The following NLRC5 variants were observed in gnomAD, a reference collection of about 807,000 sequenced individuals.
NLRC5 encodes NLR family CARD domain containing 5, also known as protein NLRC5.
In NLRC5, 114 loss-of-function variants were observed where a neutral mutation model predicts 206.9. The observed-to-expected ratio is 0.55, with a 90% confidence interval of 0.47 to 0.64. The LOEUF (loss-of-function observed/expected upper bound fraction) is 0.64. Ranked by LOEUF, NLRC5 falls within the 30% of genes least tolerant of loss-of-function variation. The probability of loss-of-function intolerance (pLI) is 0.00; values close to 1 mark genes in which losing one functional copy is unlikely to be tolerated. For missense variants in NLRC5, 2,008 were observed against 2,305.5 expected (o/e 0.87, Z 2.64); for synonymous variants, 952 against 962.8 (o/e 0.99, Z 0.21).
At chr16:57,014,000 AC>A in intron 1 of NLRC5, 1 of 373,404 alleles carries the variant, frequency 2.7e-6, no homozygotes, top group Non-Finnish European at 5.1e-6. Flanking sequence ...ATAACACTGT[AC>A]CAGTTTCTTG....
chr16:57,008,023 T>C (rs1231821012), intron 1 of NLRC5, among the ~76,000 whole-genome samples: 1 of 152,172 alleles, frequency 6.6e-6, no homozygotes, highest in Non-Finnish European at 1.5e-5. Flanking sequence ...TGTTTTTTTC[T>C]TTTTTCATGA....
At chr16:56,991,596 G>A (rs1306823377) in intron 1 of NLRC5, among the ~76,000 whole-genome samples, 3 of 151,166 alleles carry the variant, frequency 2.0e-5, no homozygotes, top group South Asian at 4.2e-4. Context: ...TCGCCAGGCT[G>A]GTGTCAAACT....
intron 1 of NLRC5, among the ~76,000 whole-genome samples, chr16:57,003,270 A>C (rs2058511102): frequency 6.6e-6 from 1 of 151,256 alleles, no homozygotes; most frequent in African/African-American, 2.4e-5. Context: ...GGCTGCTCTC[A>C]AACTCCGGAC....
chr16:57,013,718 G>A, intron 1 of NLRC5: 2 of 747,440 alleles, frequency 2.7e-6, no homozygotes, highest in South Asian at 3.0e-5. Context: ...TGGTGGTTGT[G>A]CCTGATAAAA....
chr16:57,026,306 T>C lies in NLRC5; in HGVS notation c.1363T>C (p.Ser455Pro). Residue 455 changes from serine (S) to proline (P), a missense_variant, in exon 6 of 49, where the codon TCG (serine) becomes CCG (proline). Physicochemically the swap from Ser to Pro is moderately conservative, Grantham distance 74. Coordinates refer to ENST00000688547, the MANE Select transcript of NLRC5 (RefSeq NM_001384950.1). ...ALSPPGHLPT[S>P]SLLDLGEVAL... Reference sequence around the variant, plus strand: ...CAGCCCCCCTGGGCACTTGCCCACCTCGTCCCTACTGGACCTGGGGGAGGT... The same window carrying C: ...CAGCCCCCCTGGGCACTTGCCCACCCCGTCCCTACTGGACCTGGGGGAGGT... 6.2e-7 allele frequency: 1 copy of C among 1,614,030 alleles called. No individual in the cohort carries two copies.
chr16:57,058,132 A>G lies in NLRC5; in HGVS notation c.3814A>G (p.Ile1272Val), dbSNP rs559260069. 1 of 1,609,226 alleles carries G rather than the reference A, an allele frequency of 6.2e-7. No individual in the cohort carries two copies. The highest frequency in any genetic ancestry group is 1.7e-5 in the Admixed American group (1 of 59,638). The change falls in exon 28 of 49, where the codon ATC becomes GTC. Residue 1272 changes from isoleucine to valine, a missense_variant. By Grantham distance (29) the Ile-to-Val change is conservative. Transcript: ENST00000688547. ...TCTGGAATGTCTGCCGCAGGTGCCC[A>G]TCTCCGGTTTGCTTGAGTAAGTGGA... is the stretch of plus-strand genomic sequence containing the variant. ...CLLECLPQVP[I>V]SGLLDLSHNS...
intron 1 of NLRC5, among the ~76,000 whole-genome samples, chr16:56,994,145 A>G (rs2057307242): frequency 7.3e-6 from 1 of 136,526 alleles, no homozygotes; most frequent in African/African-American, 2.7e-5. Context: ...AGTGCTTTGC[A>G]TGGTGTATGT....
chr16:57,029,953 G>A (rs766733019), intron 9 of NLRC5, 42 bp from the exon 10 acceptor site: 4 of 1,609,090 alleles, frequency 2.5e-6, no homozygotes, highest in Admixed American at 3.3e-5. Flanking sequence ...GGCCCCTGGG[G>A]TAGGGGATTC....
At chr16:57,043,464 A>T in intron 19 of NLRC5, 51 bp from the exon 20 acceptor site, 2 of 1,260,222 alleles carry the variant, frequency 1.6e-6, no homozygotes, top group African/African-American at 1.5e-5. Flanking sequence ...CACAAAGAGG[A>T]TGTGTTTGGG....
At position 57,082,695 on chromosome 16, in the gene NLRC5, T is replaced by A. The variant is rs556083174; in HGVS notation, c.*167T>A. ...CTGCTGCAGTCCTCAGGGAGAACTT[T>A]TTTGGGAACCAGGAGCTGGGTCTGG... On this transcript the variant is annotated 3_prime_UTR_variant, in exon 49 of 49. Coordinates refer to ENST00000688547, the MANE Select transcript of NLRC5 (RefSeq NM_001384950.1). 8.9e-4 allele frequency: 508 copies of A among 571,904 alleles called. 3 individuals carry two copies. In the African/African-American group the frequency reaches 8.9e-3, roughly 10 times the overall value. 35.4% of individuals were successfully genotyped at this position (571,904 alleles called of 1,614,324 possible). A position where few individuals can be genotyped will look rare whatever the true frequency, so the allele number is the denominator to read the frequency against.
At position 57,074,785 on chromosome 16, in the gene NLRC5, C is replaced by T. The variant is rs375812036; in HGVS notation, c.4751+102C>T. 31 of 1,106,508 alleles carry T rather than the reference C, an allele frequency of 2.8e-5. No individual in the cohort carries two copies. In the African/African-American group the frequency reaches 4.4e-4, roughly 16 times the overall value. 68.5% of individuals were successfully genotyped at this position (1,106,508 alleles called of 1,614,324 possible). ...CACTGAGGCCACCTCCCAGGGGATC[C>T]TTTGCGGATCCCTCCCAGGCCCATC... On this transcript the variant is annotated intron_variant, in intron 39 of 48. Transcript: ENST00000688547.
intron 2 of NLRC5, among the ~76,000 whole-genome samples, chr16:57,017,822 C>T (rs1322358776): frequency 6.6e-6 from 1 of 152,168 alleles, no homozygotes; most frequent in Non-Finnish European, 1.5e-5. Flanking sequence ...CACCAAAGGC[C>T]TAGAAAGAGG....
chr16:57,037,312 C>CA, intron 15 of NLRC5, 28 bp downstream of exon 15: 1 of 1,576,280 alleles, frequency 6.3e-7, no homozygotes, highest in Non-Finnish European at 8.6e-7. Flanking sequence ...CCACGGTACC[C>CA]ATCCCCCCCC....
chr16:57,056,937 C>A (rs1368696793), intron 27 of NLRC5, among the ~76,000 whole-genome samples: 1 of 151,826 alleles, frequency 6.6e-6, no homozygotes, highest in Admixed American at 6.6e-5. Context: ...GGGATTACAG[C>A]CTTGAGCCAC....
intron 11 of NLRC5, 45 bp downstream of exon 11, chr16:57,031,508 A>C: frequency 1.2e-6 from 2 of 1,602,144 alleles, no homozygotes; most frequent in Non-Finnish European, 8.5e-7. Context: ...CCTTAGAAGC[A>C]ACTTGGGCTC....
At chr16:57,045,789 G>A (rs980518620) in intron 21 of NLRC5, among the ~76,000 whole-genome samples, 4 of 152,240 alleles carry the variant, frequency 2.6e-5, no homozygotes, top group Non-Finnish European at 2.9e-5. Context: ...TGTGTGGGAG[G>A]AGACAGGAGA....
chr16:57,058,469 C>T, intron 28 of NLRC5: 2 of 401,876 alleles, frequency 5.0e-6, no homozygotes, highest in Non-Finnish European at 4.6e-6. Context: ...TGCGGGATTG[C>T]AGCTGCCTGG....
At chr16:57,043,457 A>C in intron 19 of NLRC5, 58 bp from the exon 20 acceptor site, 2 of 1,291,886 alleles carry the variant, frequency 1.5e-6, no homozygotes, top group Non-Finnish European at 2.3e-6. Context: ...CCCTGACCAC[A>C]AAGAGGATGT....
At chr16:57,078,087 G>T (rs1297542845) in intron 43 of NLRC5, 67 bp downstream of exon 43, 2 of 1,345,968 alleles carry the variant, frequency 1.5e-6, no homozygotes, top group Non-Finnish European at 2.0e-6. Context: ...GCAGTGGGGG[G>T]GTCCAGGCCC....
Sources: allele counts gnomAD v4.1 joint callset (sites outside exome capture counted in the v4.1 genomes callset), GRCh38; gene constraint gnomAD v4.1.1; transcripts MANE v1.5; gene names NCBI Gene and HGNC (gene_info 2026-07-23, HGNC 2026-07-21).